SGIP1: variants seen among roughly 807,000 people sequenced by gnomAD.
The protein encoded by SGIP1 is SH3-containing GRB2-like protein 3-interacting protein 1.
A neutral mutation model predicts 107.5 loss-of-function variants in SGIP1; 38 were observed. That is an observed-to-expected ratio of 0.35 (90% CI 0.27 to 0.46). The LOEUF (loss-of-function observed/expected upper bound fraction) is 0.46, where lower values mean the gene tolerates loss of function less well. Among genes scored for constraint, SGIP1 ranks in the 20% least tolerant of loss-of-function variants. The pLI, the probability that SGIP1 is intolerant of heterozygous loss-of-function variation, is 1.00. For synonymous variants in SGIP1, 365 were observed against 366.1 expected (o/e 1.00, Z 0.03); for missense variants, 929 against 1,019.5 (o/e 0.91, Z 1.21).
At chr1:66,597,991 A>G (rs2065042627) in intron 1 of SGIP1, among the ~76,000 whole-genome samples, 1 of 152,142 alleles carries the variant, frequency 6.6e-6, no homozygotes, top group Non-Finnish European at 1.5e-5. Context: ...ATATAGTTCA[A>G]GCAGAAAGGG....
chr1:66,639,808 A>G lies in SGIP1; in HGVS notation c.203A>G (p.Tyr68Cys). Reference protein sequence around the residue: ...KKSNGAPNGFYAEIDWERYNS... With the variant: ...KKSNGAPNGFCAEIDWERYNS... ...AGCAATGGGGCACCAAATGGATTTT[A>G]TGCGGAAATTGATTGGGAAAGATAT... Residue 68 changes from tyrosine (Y) to cysteine (C), a missense_variant, in exon 5 of 25, where the codon TAT becomes TGT. Tyr to Cys is a radical substitution (Grantham distance 194). Transcript: ENST00000371037. 6.2e-7 allele frequency: 1 copy of G among 1,612,198 alleles called. No individual in the cohort carries two copies. Among genetic ancestry groups the G allele is most frequent in the Non-Finnish European group, 8.5e-7 (1 of 1,178,876 alleles).
At chr1:66,684,024 C>G (rs2087564979) in intron 15 of SGIP1, 2 of 1,529,244 alleles carry the variant, frequency 1.3e-6, no homozygotes, top group South Asian at 2.5e-5. Context: ...GCCCTAAATG[C>G]TTTTTGGCCC....
chr1:66,539,592 T>A (rs2054411757), intron 1 of SGIP1, among the ~76,000 whole-genome samples: 1 of 152,224 alleles, frequency 6.6e-6, no homozygotes, highest in Non-Finnish European at 1.5e-5. Flanking sequence ...AGACCCTGCA[T>A]GCTCTGGCCT....
intron 18 of SGIP1, among the ~76,000 whole-genome samples, chr1:66,711,236 T>C (rs2092898612): frequency 6.6e-6 from 1 of 152,158 alleles, no homozygotes; most frequent in Non-Finnish European, 1.5e-5. Flanking sequence ...TTCTCTGTTA[T>C]TGACTATCCT....
At chr1:66,562,376 G>A (rs752208496) in intron 1 of SGIP1, among the ~76,000 whole-genome samples, 1 of 152,000 alleles carries the variant, frequency 6.6e-6, no homozygotes, top group Non-Finnish European at 1.5e-5. Flanking sequence ...CTCTGCAAAG[G>A]GGGGAAATTC....
intron 14 of SGIP1, among the ~76,000 whole-genome samples, chr1:66,680,554 C>T (rs1027005347): frequency 1.3e-5 from 2 of 152,076 alleles, no homozygotes; most frequent in African/African-American, 4.8e-5. Flanking sequence ...AGCAAAAGCA[C>T]GATGTAGTTA....
At chr1:66,692,505 T>C (rs998310087) in intron 17 of SGIP1, among the ~76,000 whole-genome samples, 2 of 152,182 alleles carry the variant, frequency 1.3e-5, no homozygotes, top group Non-Finnish European at 2.9e-5. Flanking sequence ...AGTAAATATA[T>C]TGTCAAGACT....
At chr1:66,595,174 G>T (rs533864700) in intron 1 of SGIP1, among the ~76,000 whole-genome samples, 1 of 152,248 alleles carries the variant, frequency 6.6e-6, no homozygotes, top group East Asian at 1.9e-4. Context: ...CTGATCATTG[G>T]CTTTTCAGCT....
intron 1 of SGIP1, among the ~76,000 whole-genome samples, chr1:66,615,751 G>A (rs1438960636): frequency 6.6e-6 from 1 of 152,166 alleles, no homozygotes. Flanking sequence ...ACAAGTCATT[G>A]TCAGGCCAGG....
chr1:66,540,263 T>A (rs10493409), intron 1 of SGIP1, among the ~76,000 whole-genome samples: 18,589 of 152,178 alleles, frequency 0.12, 1,181 homozygotes, highest in South Asian at 0.15. Context: ...TTTGAAAATA[T>A]GTACTTGAGC....
chr1:66,659,574 A>G (rs1210534757), intron 7 of SGIP1, among the ~76,000 whole-genome samples: 5 of 151,956 alleles, frequency 3.3e-5, no homozygotes, highest in African/African-American at 7.3e-5. Flanking sequence ...TAATTTTTTT[A>G]TTGTCAAGCC....
intron 1 of SGIP1, among the ~76,000 whole-genome samples, chr1:66,583,715 A>G (rs2062147691): frequency 6.6e-6 from 1 of 152,074 alleles, no homozygotes; most frequent in South Asian, 2.1e-4. Context: ...CTTCTTCTGC[A>G]TACTCCTTAG....
At chr1:66,576,516 A>G (rs2061085879) in intron 1 of SGIP1, among the ~76,000 whole-genome samples, 1 of 152,198 alleles carries the variant, frequency 6.6e-6, no homozygotes, top group Admixed American at 6.5e-5. Context: ...GGATTTATAG[A>G]GGTAATAAAA....
intron 1 of SGIP1, among the ~76,000 whole-genome samples, chr1:66,562,506 G>A (rs1342406015): frequency 6.6e-6 from 1 of 152,048 alleles, no homozygotes; most frequent in Non-Finnish European, 1.5e-5. Context: ...GAAGCACGAA[G>A]CTGAGAAAAG....
In SGIP1 at chr1:66,750,569, G is replaced by A. The variant is rs1327834506; in HGVS notation, c.*7474G>A. 1.3e-5 allele frequency among the ~76,000 whole-genome samples: 2 copies of A among 151,974 alleles called. No homozygotes were observed. The highest frequency in any genetic ancestry group is 1.5e-5 in the Non-Finnish European group (1 of 67,964). On this transcript the variant is annotated 3_prime_UTR_variant, in exon 25 of 25. Coordinates refer to ENST00000371037, the MANE Select transcript of SGIP1 (RefSeq NM_032291.4). ...TACATAATTTCACAAAAATACCTTG[G>A]GCATAAAATACTTACAAAACTGTGA... is the stretch of plus-strand genomic sequence containing the variant.
At position 66,567,644 on chromosome 1, in the gene SGIP1, A is replaced by C. The variant is rs186986363; in HGVS notation, c.10+33276A>C. Reference sequence around the variant, plus strand: ...GGGTTTTTATGGTTTTAGGTTTTACATTTAAGTTTTTAATCCATCTTGAGT... The same window carrying C: ...GGGTTTTTATGGTTTTAGGTTTTACCTTTAAGTTTTTAATCCATCTTGAGT... On this transcript the variant is annotated intron_variant, in intron 1 of 24. Coordinates refer to ENST00000371037, the MANE Select transcript of SGIP1 (RefSeq NM_032291.4). 1.2e-3 allele frequency among the ~76,000 whole-genome samples: 177 copies of C among 152,146 alleles called. 1 individual carries two copies. The highest frequency in any genetic ancestry group is 2.0e-3 in the Non-Finnish European group (138 of 67,986).
chr1:66,705,843 G>A lies in SGIP1; in HGVS notation c.1630+10350G>A, dbSNP rs751998102. ...AATGAGAACACATGGACACAGGGAG[G>A]GGAACAACACACACTGGGGCCTGTC... is the stretch of plus-strand genomic sequence containing the variant. On this transcript the variant is annotated intron_variant, in intron 18 of 24. Transcript: ENST00000371037. 6.7e-4 allele frequency among the ~76,000 whole-genome samples: 102 copies of A among 152,134 alleles called. No individual in the cohort carries two copies. In the Middle Eastern group the frequency reaches 0.01, roughly 15 times the overall value.
chr1:66,679,258 G>A (rs550695747), intron 13 of SGIP1, among the ~76,000 whole-genome samples: 3 of 152,084 alleles, frequency 2.0e-5, no homozygotes, highest in South Asian at 2.1e-4. Context: ...TGTGATTTCC[G>A]TTATCAAACC....
At chr1:66,733,925 T>G in intron 21 of SGIP1, 45 bp downstream of exon 21, 3 of 1,578,518 alleles carry the variant, frequency 1.9e-6, no homozygotes, top group South Asian at 1.2e-5. Context: ...ATGACATATT[T>G]GTTTTCTAAA....
Sources: allele counts gnomAD v4.1 joint callset (sites outside exome capture counted in the v4.1 genomes callset), GRCh38; gene constraint gnomAD v4.1.1; transcripts MANE v1.5; gene names NCBI Gene and HGNC (gene_info 2026-07-23, HGNC 2026-07-21).